Variants in HYCC1 observed in about 807,000 individuals in gnomAD.
HYCC1 encodes hyccin.
At chr7:23,011,422 T>C in the HYCC1 span, among the ~76,000 whole-genome samples, 1 of 152,214 alleles carries the variant, frequency 6.6e-6, no homozygotes, top group Non-Finnish European at 1.5e-5. Flanking sequence ...TCCATTTTTG[T>C]GTTCCTCATT....
the HYCC1 span, among the ~76,000 whole-genome samples, chr7:22,986,888 C>A: frequency 6.6e-6 from 1 of 152,022 alleles, no homozygotes; most frequent in African/African-American, 2.4e-5. Context: ...AAGACAGATG[C>A]CTCATACTAA....
At chr7:22,957,652 G>T in the HYCC1 span, among the ~76,000 whole-genome samples, 2 of 151,958 alleles carry the variant, frequency 1.3e-5, no homozygotes, top group South Asian at 4.2e-4. Context: ...CTGTATGATA[G>T]ATACAGCTGA....
chr7:22,952,655 C>T, the HYCC1 span, among the ~76,000 whole-genome samples: 1 of 151,924 alleles, frequency 6.6e-6, no homozygotes, highest in Non-Finnish European at 1.5e-5. Context: ...ATCTTTCATA[C>T]TTTACTAGCC....
At chr7:22,987,554 T>A in the HYCC1 span, among the ~76,000 whole-genome samples, 1 of 152,010 alleles carries the variant, frequency 6.6e-6, no homozygotes, top group Non-Finnish European at 1.5e-5. Flanking sequence ...TCTCAAATTT[T>A]AAAAAAAGAA....
chr7:22,908,819 G>C, the HYCC1 span, among the ~76,000 whole-genome samples: 38,648 of 152,112 alleles, frequency 0.25, 5,064 homozygotes, highest in East Asian at 0.47. Context: ...GGTAGTCTAA[G>C]AGTGTGATTT....
chr7:22,925,527 T>G, the HYCC1 span, among the ~76,000 whole-genome samples: 1 of 151,998 alleles, frequency 6.6e-6, no homozygotes, highest in South Asian at 2.1e-4. Flanking sequence ...GAGAACTACG[T>G]GACAAATGCA....
At chr7:22,977,409 T>G in the HYCC1 span, 1 of 1,576,038 alleles carries the variant, frequency 6.3e-7, no homozygotes, top group East Asian at 2.2e-5. Context: ...TGTCCCTGTT[T>G]GTCAACTATT....
the HYCC1 span, among the ~76,000 whole-genome samples, chr7:23,011,967 T>C: frequency 5.3e-5 from 8 of 152,198 alleles, no homozygotes; most frequent in African/African-American, 1.7e-4. Context: ...CTATTCCCAC[T>C]GACTACATAG....
chr7:22,972,437 A>G, the HYCC1 span, among the ~76,000 whole-genome samples: 1 of 152,208 alleles, frequency 6.6e-6, no homozygotes, highest in African/African-American at 2.4e-5. Context: ...ACAAAATCAG[A>G]GCTGTCCCTT....
At chr7:22,922,130 GAATAATAA>G in the HYCC1 span, among the ~76,000 whole-genome samples, 1 of 83,354 alleles carries the variant, frequency 1.2e-5, no homozygotes, top group African/African-American at 4.2e-5. Context: ...CTAACTTTAT[GAATAATAA>G]AGTTAATCTA....
the HYCC1 span, chr7:23,013,827 C>T: frequency 1.6e-4 from 69 of 422,414 alleles, no homozygotes; most frequent in Admixed American, 1.7e-3. Flanking sequence ...CCGGTCCTGT[C>T]CTCGCCGCCG....
At chr7:22,927,065 C>T in the HYCC1 span, among the ~76,000 whole-genome samples, 1 of 152,202 alleles carries the variant, frequency 6.6e-6, no homozygotes, top group African/African-American at 2.4e-5. Flanking sequence ...AACTGAACAA[C>T]CTGCTCCTGA....
At chr7:23,012,695 GA>G in the HYCC1 span, among the ~76,000 whole-genome samples, 1 of 151,046 alleles carries the variant, frequency 6.6e-6, no homozygotes, top group Non-Finnish European at 1.5e-5. Flanking sequence ...TTCACCTAAA[GA>G]AAAAAAAATA....
the HYCC1 span, among the ~76,000 whole-genome samples, chr7:22,978,645 T>C: frequency 6.6e-6 from 1 of 152,188 alleles, no homozygotes; most frequent in African/African-American, 2.4e-5. Flanking sequence ...AAGGATTGAC[T>C]ATGGGGTTGA....
the HYCC1 span, among the ~76,000 whole-genome samples, chr7:22,918,029 C>A: frequency 0.012 from 1,882 of 152,150 alleles, 9 homozygotes; most frequent in Non-Finnish European, 0.021. Context: ...CCTCAACTTA[C>A]TGCTTAAAAA....
chr7:22,991,462 G>C, the HYCC1 span, among the ~76,000 whole-genome samples: 3 of 151,984 alleles, frequency 2.0e-5, no homozygotes, highest in Non-Finnish European at 4.4e-5. Flanking sequence ...TATCTTAAAA[G>C]AAAGCAGAAA....
the HYCC1 span, among the ~76,000 whole-genome samples, chr7:22,902,387 G>C: frequency 2.0e-5 from 3 of 150,364 alleles, no homozygotes; most frequent in Non-Finnish European, 3.0e-5. Flanking sequence ...GTAAGTATCA[G>C]AAAGTAAATA....
At chr7:22,919,207 A>T in the HYCC1 span, among the ~76,000 whole-genome samples, 4 of 152,230 alleles carry the variant, frequency 2.6e-5, no homozygotes, top group Non-Finnish European at 2.9e-5. Flanking sequence ...ACGTACAAAG[A>T]ACTCAAGTAA....
At chr7:22,990,332 A>G in the HYCC1 span, among the ~76,000 whole-genome samples, 3 of 152,022 alleles carry the variant, frequency 2.0e-5, no homozygotes, top group African/African-American at 4.8e-5. Flanking sequence ...CTGTTGGGCA[A>G]TCTCTCTCAA....
Sources: allele counts gnomAD v4.1 joint callset (sites outside exome capture counted in the v4.1 genomes callset), GRCh38; gene constraint gnomAD v4.1.1; transcripts MANE v1.5; gene names NCBI Gene and HGNC (gene_info 2026-07-23, HGNC 2026-07-21).